The following RIMS1 variants were observed in gnomAD, a reference collection of about 807,000 sequenced individuals.
The protein encoded by RIMS1 is regulating synaptic membrane exocytosis protein 1.
Under a neutral mutation model 214.1 loss-of-function variants are expected in RIMS1, and 83 were observed. The observed-to-expected ratio is 0.39, with a 90% CI of 0.32 to 0.47. The LOEUF (loss-of-function observed/expected upper bound fraction) is 0.47, where lower values mean the gene tolerates loss of function less well. Ranked by LOEUF, RIMS1 falls within the 20% of genes least tolerant of loss-of-function variation. The probability of loss-of-function intolerance (pLI) is 0.99; values close to 1 mark genes in which losing one functional copy is unlikely to be tolerated. For synonymous variants in RIMS1, 793 were observed against 786.8 expected (o/e 1.01, Z -0.13); for missense variants, 2,050 against 2,161.8 (o/e 0.95, Z 1.03).
In RIMS1 at chr6:71,969,042, A is replaced by G. The variant is rs1795162115; in HGVS notation, c.224A>G (p.Asn75Ser). The part of the protein sequence containing the change: ...AACKTPRNAE[N>S]QPHQPSPRLH... ...TGCAAAACACCAAGAAATGCTGAAA[A>G]CCAGCCCCACCAACCTTCACCGTGA... Residue 75 changes from asparagine to serine, a missense_variant, in exon 2 of 34, where the codon AAC (asparagine) becomes AGC (serine). Physicochemically the swap from Asn to Ser is conservative, Grantham distance 46. This residue lies in a region of RIMS1 where 882 missense variants were observed against 828.9 expected (regional missense o/e 1.06). Coordinates refer to ENST00000521978, the MANE Select transcript of RIMS1 (RefSeq NM_014989.7). 2 of 1,613,952 alleles carry G rather than the reference A, an allele frequency of 1.2e-6. No individual in the cohort carries two copies. Among genetic ancestry groups the G allele is most frequent in the East Asian group, 4.5e-5 (2 of 44,886 alleles).
At chr6:71,909,757 T>C (rs934731011) in intron 1 of RIMS1, among the ~76,000 whole-genome samples, 4 of 152,174 alleles carry the variant, frequency 2.6e-5, no homozygotes, top group Non-Finnish European at 5.9e-5. Context: ...AAGTGGTTTG[T>C]AATTATTGAT....
chr6:71,976,407 T>A (rs1797155297), intron 2 of RIMS1, among the ~76,000 whole-genome samples: 1 of 152,124 alleles, frequency 6.6e-6, no homozygotes. Flanking sequence ...TAAAATTGGG[T>A]TTTCTCTAAG....
intron 22 of RIMS1, among the ~76,000 whole-genome samples, chr6:72,272,577 A>G (rs143734673): frequency 2.6e-4 from 40 of 152,292 alleles, no homozygotes; most frequent in Middle Eastern, 3.4e-3. Context: ...CTAAATGTAC[A>G]TCTTTCTCCT....
chr6:72,267,629 C>A (rs866799571), intron 22 of RIMS1, among the ~76,000 whole-genome samples: 1 of 152,118 alleles, frequency 6.6e-6, no homozygotes, highest in African/African-American at 2.4e-5. Context: ...TTTGGACTAA[C>A]CACATTACGG....
chr6:72,067,493 A>G (rs4706501), intron 2 of RIMS1, among the ~76,000 whole-genome samples: 35,583 of 152,132 alleles, frequency 0.23, 4,810 homozygotes, highest in East Asian at 0.32. Flanking sequence ...GGGGCTGGTC[A>G]GGACTTTTTA....
intron 4 of RIMS1, among the ~76,000 whole-genome samples, chr6:72,109,899 C>G (rs904517720): frequency 1.3e-5 from 2 of 152,032 alleles, no homozygotes; most frequent in African/African-American, 4.8e-5. Context: ...GGAAGGGATC[C>G]AGTTTCAGCT....
At chr6:72,313,205 T>A (rs2095599690) in intron 27 of RIMS1, among the ~76,000 whole-genome samples, 2 of 151,972 alleles carry the variant, frequency 1.3e-5, no homozygotes, top group Non-Finnish European at 2.9e-5. Context: ...AGAAAAAAAA[T>A]GAATAATACA....
chr6:72,086,720 T>G, intron 2 of RIMS1, among the ~76,000 whole-genome samples: 1 of 152,114 alleles, frequency 6.6e-6, no homozygotes, highest in Non-Finnish European at 1.5e-5. Flanking sequence ...GTGTAAGATG[T>G]ATGAGAAAAC....
intron 29 of RIMS1, among the ~76,000 whole-genome samples, chr6:72,347,123 G>T (rs1292930255): frequency 2.1e-4 from 32 of 151,880 alleles, no homozygotes; most frequent in Non-Finnish European, 4.1e-4. Flanking sequence ...GTTAGACACA[G>T]TGATTCTCAG....
chr6:72,248,546 A>G (rs1321753770), intron 12 of RIMS1, among the ~76,000 whole-genome samples: 1 of 152,184 alleles, frequency 6.6e-6, no homozygotes, highest in Non-Finnish European at 1.5e-5. Flanking sequence ...GCATTTGGCA[A>G]AACTCTTCGT....
chr6:72,082,112 T>C (rs1436874408), intron 2 of RIMS1, among the ~76,000 whole-genome samples: 2 of 152,192 alleles, frequency 1.3e-5, no homozygotes, highest in African/African-American at 4.8e-5. Context: ...GAATAAATTT[T>C]TTATTACTCA....
intron 6 of RIMS1, among the ~76,000 whole-genome samples, chr6:72,190,962 G>A (rs112345930): frequency 3.3e-5 from 5 of 152,090 alleles, no homozygotes; most frequent in African/African-American, 4.8e-5. Context: ...GCAGGGCCTT[G>A]TTCCAAAATC....
At chr6:72,135,862 C>T (rs530866021) in intron 4 of RIMS1, among the ~76,000 whole-genome samples, 8 of 152,082 alleles carry the variant, frequency 5.3e-5, no homozygotes, top group East Asian at 1.9e-4. Context: ...ACCAAACCCA[C>T]GGTGACCCCA....
intron 2 of RIMS1, among the ~76,000 whole-genome samples, chr6:72,009,122 G>A (rs1448523365): frequency 6.6e-6 from 1 of 152,132 alleles, no homozygotes; most frequent in Non-Finnish European, 1.5e-5. Flanking sequence ...ATAACAAACT[G>A]TCTCTCAGAC....
At chr6:71,985,126 G>A (rs76895928) in intron 2 of RIMS1, among the ~76,000 whole-genome samples, 6,032 of 152,226 alleles carry the variant, frequency 0.04, 260 homozygotes, top group East Asian at 0.16. Flanking sequence ...GCTCATGCTC[G>A]TAATCCCAAC....
intron 6 of RIMS1, among the ~76,000 whole-genome samples, chr6:72,202,267 T>C (rs1160536449): frequency 6.6e-6 from 1 of 152,186 alleles, no homozygotes. Context: ...GAATTTATTT[T>C]CTCATAGTTC....
At chr6:71,996,610 G>A (rs554756772) in intron 2 of RIMS1, among the ~76,000 whole-genome samples, 70 of 152,118 alleles carry the variant, frequency 4.6e-4, no homozygotes, top group Admixed American at 1.8e-3. Context: ...TGACAAGCTC[G>A]TCCATGAGCC....
In RIMS1 at chr6:72,265,066, C is replaced by G. The variant is rs746160797; in HGVS notation, c.3194+14C>G. The G allele has an allele frequency of 2.7e-5, 40 of 1,463,844 alleles. 1 individual carries two copies. The South Asian group carries it at 4.5e-4, about 17-fold the overall frequency. 90.7% of individuals were successfully genotyped at this position (1,463,844 alleles called of 1,614,324 possible). A position where few individuals can be genotyped will look rare whatever the true frequency, so the allele number is the denominator to read the frequency against. On this transcript the variant is annotated intron_variant, in intron 20 of 33. Transcript: ENST00000521978. ...GAATATTTACAGGTAAGAGCCCTAACAGTGAGTCCCACCCAGTTATAAAGT... is the reference window on the plus strand; with the variant it reads ...GAATATTTACAGGTAAGAGCCCTAAGAGTGAGTCCCACCCAGTTATAAAGT...
chr6:72,184,872 G>GT (rs1380769867), intron 6 of RIMS1, among the ~76,000 whole-genome samples: 1 of 152,166 alleles, frequency 6.6e-6, no homozygotes, highest in Non-Finnish European at 1.5e-5. Flanking sequence ...TGCAAATGCA[G>GT]TAAGGGCTGC....
Sources: gnomAD v4.1 joint callset for allele counts (sites outside exome capture counted in the v4.1 genomes callset) on GRCh38, gnomAD v4.1.1 for gene constraint, gnomAD v4.1.1 regional missense constraint, MANE v1.5 for transcripts, NCBI Gene and HGNC (gene_info 2026-07-23, HGNC 2026-07-21) for gene names.